DNAJA3: variants seen among roughly 807,000 people sequenced by gnomAD.
DNAJA3 encodes the protein dnaJ homolog subfamily A member 3, mitochondrial.
Under a neutral mutation model 54.9 loss-of-function variants are expected in DNAJA3, and 29 were observed. The observed-to-expected ratio is 0.53, with a 90% CI of 0.39 to 0.72. The LOEUF is 0.72. Ranked by LOEUF, DNAJA3 falls within the 30% of genes least tolerant of loss-of-function variation. The pLI, the probability that DNAJA3 is intolerant of heterozygous loss-of-function variation, is 0.00. For missense variants in DNAJA3, 708 were observed against 639.4 expected (o/e 1.11, Z -1.16); for synonymous variants, 302 against 251.4 (o/e 1.20, Z -1.90).
At chr16:4,434,571 T>A (rs189922134) in intron 2 of DNAJA3, 54 bp downstream of exon 2, 45 of 1,588,220 alleles carry the variant, frequency 2.8e-5, no homozygotes, top group Non-Finnish European at 2.6e-6. Context: ...ATGTTGTTGA[T>A]CCCATGTGAT....
chr16:4,437,617 CTTG>C (rs2056787356), intron 3 of DNAJA3, 132 bp downstream of exon 3: 1 of 661,008 alleles, frequency 1.5e-6, no homozygotes, highest in Non-Finnish European at 2.5e-6. Context: ...GCCAAGTAAT[CTTG>C]TTAAGAAAAA....
intron 10 of DNAJA3, among the ~76,000 whole-genome samples, chr16:4,451,419 A>C (rs2056976284): frequency 6.6e-6 from 1 of 151,916 alleles, no homozygotes; most frequent in Admixed American, 6.6e-5. Context: ...CTGGAATTTC[A>C]CTGAGCTCCT....
intron 1 of DNAJA3, among the ~76,000 whole-genome samples, chr16:4,432,956 A>G (rs893146528): frequency 6.6e-6 from 1 of 151,318 alleles, no homozygotes; most frequent in Non-Finnish European, 1.5e-5. Flanking sequence ...CCTGGCTAAC[A>G]CGGCGAAACC....
At position 4,448,164 on chromosome 16, in the gene DNAJA3, C is replaced by G. The variant is rs552953667; in HGVS notation, c.1126-569C>G. Among the ~76,000 whole-genome samples the G allele has an allele frequency of 2.0e-5, 3 of 149,248 alleles. No individual in the cohort carries two copies. The Admixed American group carries it at 2.0e-4, about 10-fold the overall frequency. On this transcript the variant is annotated intron_variant, in intron 8 of 11. Coordinates refer to ENST00000262375, the MANE Select transcript of DNAJA3 (RefSeq NM_005147.6). ...ACCTCAGCCTCCTGAGTACCTGGGC[C>G]TACAAGCACGCGCCACCATGCCTGG...
At chr16:4,427,796 G>C (rs556197055) in intron 1 of DNAJA3, among the ~76,000 whole-genome samples, 1 of 152,156 alleles carries the variant, frequency 6.6e-6, no homozygotes, top group African/African-American at 2.4e-5. Flanking sequence ...AGCCTCCTGA[G>C]TAGCTGGGAC....
chr16:4,444,268 A>T (rs553747008), intron 6 of DNAJA3, among the ~76,000 whole-genome samples: 18 of 152,252 alleles, frequency 1.2e-4, no homozygotes, highest in African/African-American at 4.3e-4. Context: ...GCTGTGGGTT[A>T]CAAGTGGATC....
intron 10 of DNAJA3, 23 bp from the exon 11 acceptor site, chr16:4,454,788 T>G (rs1308956413): frequency 6.3e-7 from 1 of 1,581,840 alleles, no homozygotes; most frequent in South Asian, 1.1e-5. Context: ...ATGACGCCAG[T>G]TCTTTCTGCT....
intron 11 of DNAJA3, 87 bp from the exon 12 acceptor site, chr16:4,455,459 C>T (rs972368972): frequency 6.7e-7 from 1 of 1,488,406 alleles, no homozygotes; most frequent in African/African-American, 1.4e-5. Context: ...GGCACAGCTG[C>T]TTTCCAGGGA....
rs1228816771 is a variant in DNAJA3, at chr16:4,448,823, A to T, written c.1216A>T (p.Ile406Phe). ...INSYGYGDHY[I>F]HIKIRVPKRL... ...CAGCTACGGCTACGGAGACCACTAC[A>T]TCCACATCAAGATACGAGTTCCAAA... Residue 406 changes from isoleucine to phenylalanine, a missense_variant, in exon 9 of 12, where the codon ATC (isoleucine) becomes TTC (phenylalanine). Physicochemically the swap from Ile to Phe is conservative, Grantham distance 21. Coordinates refer to ENST00000262375, the MANE Select transcript of DNAJA3 (RefSeq NM_005147.6). 6.2e-7 allele frequency: 1 copy of T among 1,613,816 alleles called. No homozygotes were observed. The highest frequency in any genetic ancestry group is 8.5e-7 in the Non-Finnish European group (1 of 1,179,936).
intron 2 of DNAJA3, among the ~76,000 whole-genome samples, chr16:4,435,063 AT>A (rs1567325267): frequency 1.3e-5 from 2 of 150,994 alleles, no homozygotes; most frequent in African/African-American, 2.4e-5. Flanking sequence ...CACCCGGCTA[AT>A]TTTTTTTGTA....
rs1567330093 is a variant in DNAJA3, at chr16:4,443,097, C to G, written c.864C>G (p.Pro288=). Reference sequence around the variant, plus strand: ...GCCGCGGCTCCATCATCATATCGCCCTGTGTGGTCTGCAGGGGAGCAGGAC... The same window carrying G: ...GCCGCGGCTCCATCATCATATCGCCGTGTGTGGTCTGCAGGGGAGCAGGAC... ...CGGRGSIIIS[P]CVVCRGAGQA... is the part of the protein sequence containing the mutation. The change falls in exon 6 of 12, where the codon CCC becomes CCG. Residue 288 remains proline, a synonymous_variant. Coordinates refer to ENST00000262375, the MANE Select transcript of DNAJA3 (RefSeq NM_005147.6). 1.2e-6 allele frequency: 2 copies of G among 1,613,882 alleles called. No homozygotes were observed. Among genetic ancestry groups the G allele is most frequent in the African/African-American group, 1.3e-5 (1 of 74,844 alleles).
intron 1 of DNAJA3, among the ~76,000 whole-genome samples, chr16:4,433,607 C>G (rs2056734112): frequency 6.6e-6 from 1 of 152,110 alleles, no homozygotes; most frequent in Non-Finnish European, 1.5e-5. Context: ...TAAGTAGATA[C>G]CCAAGGCTGC....
Position 4,437,388 on chromosome 16 carries a change from T to C in DNAJA3, c.346-14T>C. The C allele has an allele frequency of 6.2e-7, 1 of 1,612,226 alleles. No individual in the cohort carries two copies. The highest frequency in any genetic ancestry group is 8.5e-7 in the Non-Finnish European group (1 of 1,178,336). ...ACATTGTATCTGGAGTAATTTATCA[T>C]GTTTTTCCCTTAGCTTGCCAAGAAG... On this transcript the variant is annotated splice_polypyrimidine_tract_variant and intron_variant, in intron 2 of 11. Transcript: ENST00000262375.
At position 4,426,044 on chromosome 16, in the gene DNAJA3, T is replaced by C. The variant is rs140443878; in HGVS notation, c.163T>C (p.Cys55Arg). 1.7e-4 allele frequency: 275 copies of C among 1,605,238 alleles called. No homozygotes were observed. In the African/African-American group the frequency reaches 2.9e-3, roughly 17 times the overall value. Residue 55 changes from cysteine (C) to arginine (R), a missense_variant, in exon 1 of 12, where the codon TGC becomes CGC. Coordinates refer to ENST00000262375, the MANE Select transcript of DNAJA3 (RefSeq NM_005147.6). The part of the protein sequence containing the change: ...VPAFASSLTS[C>R]GPRALLTLRP... ...CGCCTTTGCGTCTTCCCTGACCTCT[T>C]GCGGCCCCCGAGCGCTGCTGACATT...
intron 10 of DNAJA3, among the ~76,000 whole-genome samples, chr16:4,453,429 T>A (rs901763178): frequency 6.6e-6 from 1 of 151,600 alleles, no homozygotes; most frequent in Non-Finnish European, 1.5e-5. Flanking sequence ...GGCTCCTTGT[T>A]GTTCTTTTTT....
chr16:4,434,347 A>C, intron 1 of DNAJA3, 37 bp from the exon 2 acceptor site: 2 of 1,604,572 alleles, frequency 1.2e-6, no homozygotes, highest in Admixed American at 3.4e-5. Context: ...TGTTGAGAAC[A>C]TTCCCAGAGT....
chr16:4,449,057 C>G (rs559429886), intron 9 of DNAJA3, among the ~76,000 whole-genome samples: 2 of 152,152 alleles, frequency 1.3e-5, no homozygotes, highest in Admixed American at 1.3e-4. Context: ...AGTGCAGTGG[C>G]GCCATCTCGG....
At chr16:4,447,361 C>T (rs898930122) in intron 8 of DNAJA3, 3 of 225,452 alleles carry the variant, frequency 1.3e-5, no homozygotes, top group Middle Eastern at 1.5e-3. Flanking sequence ...AAGACTCGGG[C>T]GGTGCATATC....
chr16:4,434,626 G>A, intron 2 of DNAJA3, 109 bp downstream of exon 2: 1 of 1,299,742 alleles, frequency 7.7e-7, no homozygotes, highest in Non-Finnish European at 1.1e-6. Context: ...GGTCTCATGA[G>A]CTGATAGTAT....
Sources: allele counts gnomAD v4.1 joint callset (sites outside exome capture counted in the v4.1 genomes callset), GRCh38; gene constraint gnomAD v4.1.1; transcripts MANE v1.5; gene names NCBI Gene and HGNC (gene_info 2026-07-23, HGNC 2026-07-21).